Variants in MORN1 observed in about 807,000 individuals in gnomAD.
MORN1 encodes the protein MORN repeat containing 1.
In MORN1, 67 loss-of-function variants were observed where a neutral mutation model predicts 61.9. The observed-to-expected ratio is 1.08, with a 90% CI of 0.89 to 1.33. MORN1 has a LOEUF of 1.33. Among genes scored for constraint, MORN1 ranks in the 40% most tolerant of loss-of-function variants. The pLI is 0.00. For missense variants in MORN1, 752 were observed against 691.2 expected (o/e 1.09, Z -0.99); for synonymous variants, 301 against 292.0 (o/e 1.03, Z -0.31).
At chr1:2,353,420 C>A (rs533817655) in intron 10 of MORN1, among the ~76,000 whole-genome samples, 3 of 152,316 alleles carry the variant, frequency 2.0e-5, no homozygotes, top group Admixed American at 1.3e-4. Flanking sequence ...ACTGGCCCAC[C>A]CTTCCAGGCC....
chr1:2,350,170 G>A (rs1641614122), intron 10 of MORN1, among the ~76,000 whole-genome samples: 1 of 152,220 alleles, frequency 6.6e-6, no homozygotes, highest in African/African-American at 2.4e-5. Context: ...AAAATGCTTT[G>A]AATATAAAAT....
At chr1:2,387,326 C>T in intron 4 of MORN1, 93 bp downstream of exon 4, 1 of 903,474 alleles carries the variant, frequency 1.1e-6, no homozygotes, top group South Asian at 1.3e-5. Flanking sequence ...GTCAGGCAGG[C>T]CCTCTCAGAG....
At chr1:2,355,167 G>GC (rs1641735327) in intron 10 of MORN1, 1 of 1,171,906 alleles carries the variant, frequency 8.5e-7, no homozygotes, top group African/African-American at 1.6e-5. Flanking sequence ...CAAGTAGAAG[G>GC]CATGGCGCCC....
At chr1:2,332,695 G>A (rs1176447947) in intron 12 of MORN1, 1 of 456,538 alleles carries the variant, frequency 2.2e-6, no homozygotes, top group South Asian at 1.5e-5. Context: ...GCAGAATCTC[G>A]TCTGTGCCTC....
chr1:2,324,928 G>C (rs1379256890), intron 12 of MORN1, among the ~76,000 whole-genome samples: 2 of 151,834 alleles, frequency 1.3e-5, no homozygotes, highest in Admixed American at 6.6e-5. Flanking sequence ...CTGAGGACGT[G>C]GCCATGGCCC....
Position 2,389,911 on chromosome 1 carries a change from C to T in MORN1, c.148+14G>A, listed in dbSNP as rs770260331. 1 of 1,613,482 alleles carries T rather than the reference C, an allele frequency of 6.2e-7. No individual in the cohort carries two copies. The highest frequency in any genetic ancestry group is 8.5e-7 in the Non-Finnish European group (1 of 1,179,442). On this transcript the variant is annotated intron_variant, in intron 2 of 13. Transcript: ENST00000378531. ...GGGCAGCAGCTGCAAGAAGAGACCA[C>T]AGATGCTTCTCACCGTGCTTCCTCC...
chr1:2,325,136 C>CTCCCTTCCT (rs1640984436), intron 12 of MORN1, among the ~76,000 whole-genome samples: 6 of 5,322 alleles, frequency 1.1e-3, no homozygotes, highest in African/African-American at 2.3e-3. Flanking sequence ...CCTTCCTTCC[C>CTCCCTTCCT]TCCCTCCCTC....
chr1:2,380,391 G>A (rs2100356732), intron 6 of MORN1, among the ~76,000 whole-genome samples: 1 of 152,336 alleles, frequency 6.6e-6, no homozygotes, highest in South Asian at 2.1e-4. Flanking sequence ...TGAAATCCCA[G>A]CCCTTTGGGG....
Position 2,322,497 on chromosome 1 carries a change from G to T in MORN1, c.1298-918C>A, listed in dbSNP as rs1302904315. ...GGCCGCCTGTGCGTTCCCAGGGCTG[G>T]ACAAGAGCAAGCCTCGGGGGCCGGG... On this transcript the variant is annotated intron_variant, in intron 13 of 13. Transcript: ENST00000378531. The T allele has an allele frequency of 4.1e-6, 4 of 985,336 alleles. No individual in the cohort carries two copies. The South Asian group carries it at 1.9e-4, about 46-fold the overall frequency. The allele number at this position is 985,336 out of a possible 1,614,324, so 61.0% of individuals were successfully genotyped here.
At position 2,322,773 on chromosome 1, in the gene MORN1, G is replaced by A. The variant is rs539038759; in HGVS notation, c.1298-1194C>T. ...TGGTGGCCAAGGCGCTGGCCGGGGG[G>A]CCGAGAGCTCAGTGGGCAGTGGCTG... is the stretch of plus-strand genomic sequence containing the variant. On this transcript the variant is annotated intron_variant, in intron 13 of 13. Coordinates refer to ENST00000378531, the MANE Select transcript of MORN1 (RefSeq NM_024848.3). 1.8e-3 allele frequency: 1,751 copies of A among 985,452 alleles called. 1 individual carries two copies. Among genetic ancestry groups the A allele is most frequent in the Middle Eastern group, 6.3e-3 (12 of 1,914 alleles). The allele number at this position is 985,452 out of a possible 1,614,324, so 61.0% of individuals were successfully genotyped here.
intron 6 of MORN1, among the ~76,000 whole-genome samples, chr1:2,384,503 G>A (rs1235012796): frequency 2.6e-5 from 4 of 152,212 alleles, no homozygotes; most frequent in Non-Finnish European, 4.4e-5. Context: ...CCTTTTGTAA[G>A]AAAAAATTTG....
Position 2,321,321 on chromosome 1 carries a change from C to G in MORN1, c.*62G>C, listed in dbSNP as rs934571378. The G allele has an allele frequency of 5.6e-6, 7 of 1,242,280 alleles. No individual in the cohort carries two copies. Among genetic ancestry groups the G allele is most frequent in the Admixed American group, 5.9e-5 (2 of 33,950 alleles). 77.0% of individuals were successfully genotyped at this position (1,242,280 alleles called of 1,614,324 possible). ...TCTGGAGAATCGGGGAGCAGAGTCA[C>G]GCAAGCAGAGGCAGCGTTTCCTTCC... On this transcript the variant is annotated 3_prime_UTR_variant, in exon 14 of 14. Transcript: ENST00000378531.
intron 6 of MORN1, chr1:2,377,634 A>T (rs1455911601): frequency 2.0e-5 from 3 of 152,258 alleles, no homozygotes; most frequent in Non-Finnish European, 4.4e-5. Flanking sequence ...TCCATGCTTT[A>T]TTGGAAGCTA....
At position 2,372,877 on chromosome 1, in the gene MORN1, G is replaced by A. The variant is rs1479033280; in HGVS notation, c.635-286C>T. Reference sequence around the variant, plus strand: ...GAGCATGCAAGAGACACAAGTGGGCGGTGTGGGGCTGTTGGGTTTTCCTGC... The same window carrying A: ...GAGCATGCAAGAGACACAAGTGGGCAGTGTGGGGCTGTTGGGTTTTCCTGC... On this transcript the variant is annotated intron_variant, in intron 7 of 13. Transcript: ENST00000378531. This position sits in a 1 kb window ranked among gnomAD's most constrained non-coding sequence, Gnocchi z 5.4. Among the ~76,000 whole-genome samples the A allele has an allele frequency of 1.3e-5, 2 of 152,248 alleles. No individual in the cohort carries two copies. The highest frequency in any genetic ancestry group is 2.9e-5 in the Non-Finnish European group (2 of 68,046).
chr1:2,343,197 C>T (rs965892810), intron 10 of MORN1, among the ~76,000 whole-genome samples: 3 of 152,320 alleles, frequency 2.0e-5, no homozygotes, highest in South Asian at 2.1e-4. Context: ...ATGATGCTGA[C>T]GTTTCTCCAC....
chr1:2,323,607 C>T lies in MORN1; in HGVS notation c.1297+490G>A, dbSNP rs760882643. 8 of 985,194 alleles carry T rather than the reference C, an allele frequency of 8.1e-6. No individual in the cohort carries two copies. In the South Asian group the frequency reaches 3.8e-4, roughly 46 times the overall value. 61.0% of individuals were successfully genotyped at this position (985,194 alleles called of 1,614,324 possible). A position where few individuals can be genotyped will look rare whatever the true frequency, so the allele number is the denominator to read the frequency against. On this transcript the variant is annotated intron_variant, in intron 13 of 13. Coordinates refer to ENST00000378531, the MANE Select transcript of MORN1 (RefSeq NM_024848.3). ...AGGCCCCACGGCTGAGGGTCTGCAC[C>T]TGAGCCTTCTCCAGGCCCTCGCTGC... is the stretch of plus-strand genomic sequence containing the variant.
chr1:2,384,816 G>A (rs1264826527), intron 6 of MORN1, among the ~76,000 whole-genome samples, 162 bp downstream of exon 6: 2 of 152,224 alleles, frequency 1.3e-5, no homozygotes, highest in African/African-American at 4.8e-5. Context: ...ACAGGGAACT[G>A]TGAGGGGAGA....
intron 12 of MORN1, among the ~76,000 whole-genome samples, chr1:2,331,964 C>T (rs1641164325): frequency 9.1e-6 from 1 of 109,472 alleles, no homozygotes; most frequent in Admixed American, 9.9e-5. Flanking sequence ...GCGCCTCTCC[C>T]TCGTGCGCCT....
At chr1:2,345,015 C>T (rs1157605683) in intron 10 of MORN1, among the ~76,000 whole-genome samples, 5 of 152,000 alleles carry the variant, frequency 3.3e-5, no homozygotes, top group South Asian at 2.1e-4. Context: ...GGAGGGTCCA[C>T]GCGTGCTCAC....
Sources: gnomAD v4.1 joint callset for allele counts (sites outside exome capture counted in the v4.1 genomes callset) on GRCh38, gnomAD v4.1.1 for gene constraint, Gnocchi (gnomAD v3.1) non-coding constraint, MANE v1.5 for transcripts, NCBI Gene and HGNC (gene_info 2026-07-23, HGNC 2026-07-21) for gene names.